AKAP13: variants seen among roughly 807,000 people sequenced by gnomAD.
AKAP13 encodes A-kinase anchor protein 13.
In AKAP13, 80 loss-of-function variants were observed where a neutral mutation model predicts 264.5. The observed-to-expected ratio is 0.30, with a 90% CI of 0.25 to 0.36. AKAP13 has a LOEUF of 0.36. AKAP13 is among the 10% of genes least tolerant of loss of function. AKAP13 has a pLI of 1.00. For missense variants in AKAP13, 3,712 were observed against 3,435.2 expected (o/e 1.08, Z -2.01); for synonymous variants, 1,380 against 1,250.2 (o/e 1.10, Z -2.19).
In AKAP13 at chr15:85,553,120, C is replaced by G. The variant is rs978086553; in HGVS notation, c.662+9165C>G. 3.5e-5 allele frequency among the ~76,000 whole-genome samples: 4 copies of G among 114,192 alleles called. No individual in the cohort carries two copies. In the Admixed American group the frequency reaches 4.0e-4, roughly 11 times the overall value. The allele number at this position is 114,192 out of a possible 152,430, so 74.9% of individuals were successfully genotyped here. On this transcript the variant is annotated intron_variant, in intron 5 of 36. Coordinates refer to ENST00000394518, the MANE Select transcript of AKAP13 (RefSeq NM_007200.5). ...TTTTTTTTGGAGACGGAGTTTCGCT[C>G]TTTTTGCCCAATTTGGAGTGCAATG...
At chr15:85,610,401 T>C (rs2080551999) in intron 8 of AKAP13, among the ~76,000 whole-genome samples, 1 of 152,228 alleles carries the variant, frequency 6.6e-6, no homozygotes, top group Non-Finnish European at 1.5e-5. Context: ...AAGACAGCAG[T>C]ACGTGTATTC....
At chr15:85,648,014 T>C (rs569858607) in intron 10 of AKAP13, among the ~76,000 whole-genome samples, 7 of 134,998 alleles carry the variant, frequency 5.2e-5, no homozygotes, top group African/African-American at 2.1e-4. Flanking sequence ...TCAATAGTTT[T>C]ATGTTATTTT....
rs978477805 is a variant in AKAP13, at chr15:85,745,376, A to G, written c.*699A>G. On this transcript the variant is annotated 3_prime_UTR_variant, in exon 37 of 37. Transcript: ENST00000394518. ...AGGCTTGATGTGTATAAAAGACGTGATGTGCACCACCTCGATCTCGGTGTT... is the reference window on the plus strand; with the variant it reads ...AGGCTTGATGTGTATAAAAGACGTGGTGTGCACCACCTCGATCTCGGTGTT... The G allele has an allele frequency of 6.6e-6, 1 of 152,128 alleles. No individual in the cohort carries two copies. Among genetic ancestry groups the G allele is most frequent in the African/African-American group, 2.4e-5 (1 of 41,406 alleles). The allele number at this position is 152,128 out of a possible 1,614,324, so 9.4% of individuals were successfully genotyped here.
At chr15:85,407,419 T>C (rs2071725284) in intron 1 of AKAP13, among the ~76,000 whole-genome samples, 1 of 151,566 alleles carries the variant, frequency 6.6e-6, no homozygotes, top group South Asian at 2.1e-4. Flanking sequence ...TTTTTATTTT[T>C]AGTAGAGACA....
intron 8 of AKAP13, among the ~76,000 whole-genome samples, chr15:85,604,382 G>C (rs1428748913): frequency 1.3e-5 from 2 of 151,838 alleles, no homozygotes; most frequent in African/African-American, 4.8e-5. Context: ...ACCAAGAGAG[G>C]TGATTCATCT....
chr15:85,550,116 C>T (rs531905996), intron 5 of AKAP13, among the ~76,000 whole-genome samples: 86 of 152,214 alleles, frequency 5.6e-4, no homozygotes, highest in African/African-American at 7.9e-4. Flanking sequence ...GGGGTTTCAC[C>T]GTGTCGGTCA....
chr15:85,439,617 A>T, intron 1 of AKAP13, among the ~76,000 whole-genome samples: 1 of 143,708 alleles, frequency 7.0e-6, no homozygotes, highest in Admixed American at 7.0e-5. Flanking sequence ...TGGCACATAT[A>T]CACCATGGAA....
At chr15:85,670,562 C>G (rs189041386) in intron 14 of AKAP13, 6 of 150,352 alleles carry the variant, frequency 4.0e-5, no homozygotes, top group Admixed American at 2.7e-4. Context: ...TCACTTATTT[C>G]TGGGTCCAAG....
intron 1 of AKAP13, among the ~76,000 whole-genome samples, chr15:85,477,673 G>C (rs758093813): frequency 7.3e-6 from 1 of 137,286 alleles, no homozygotes; most frequent in South Asian, 2.5e-4. Context: ...GAGCTTTGTT[G>C]ATACCACTGC....
At chr15:85,573,288 T>C (rs939598278) in intron 5 of AKAP13, among the ~76,000 whole-genome samples, 2 of 152,104 alleles carry the variant, frequency 1.3e-5, no homozygotes, top group African/African-American at 2.4e-5. Context: ...TTATAATAAC[T>C]GTGATATAGG....
chr15:85,403,593 C>A (rs1419480493), intron 1 of AKAP13, among the ~76,000 whole-genome samples: 1 of 152,100 alleles, frequency 6.6e-6, no homozygotes, highest in Non-Finnish European at 1.5e-5. Flanking sequence ...GTAATCCCAG[C>A]CCTTTGGGAA....
chr15:85,696,233 G>T (rs1054223494), intron 17 of AKAP13, among the ~76,000 whole-genome samples: 2 of 152,074 alleles, frequency 1.3e-5, no homozygotes, highest in Non-Finnish European at 2.9e-5. Context: ...TGATTTTAGT[G>T]GAAACCAGGT....
intron 8 of AKAP13, among the ~76,000 whole-genome samples, chr15:85,615,422 A>T (rs2080893195): frequency 1.9e-5 from 2 of 105,480 alleles, no homozygotes; most frequent in African/African-American, 7.1e-5. Context: ...AGGAAAGCCT[A>T]ATTGGAGACG....
At chr15:85,576,808 T>C (rs1301698587) in intron 6 of AKAP13, among the ~76,000 whole-genome samples, 2 of 152,174 alleles carry the variant, frequency 1.3e-5, no homozygotes, top group African/African-American at 4.8e-5. Context: ...TTAGAGCTCT[T>C]TTTACTAGGT....
At position 85,579,078 on chromosome 15, in the gene AKAP13, A is replaced by G. The variant is rs764339245; in HGVS notation, c.1010A>G (p.Glu337Gly). Residue 337 changes from glutamate to glycine, a missense_variant, in exon 7 of 37, where the codon GAG (glutamate) becomes GGG (glycine). By Grantham distance (98) the Glu-to-Gly change is moderately conservative. This residue lies in a region of AKAP13 where 2,759 missense variants were observed against 2,411.7 expected (regional missense o/e 1.14). Coordinates refer to ENST00000394518, the MANE Select transcript of AKAP13 (RefSeq NM_007200.5). ...PQRLSSSEET[E>G]STQCCPGSPV... ...CGACTTTCTTCTTCTGAAGAGACTG[A>G]GAGCACTCAGTGCTGCCCAGGGAGC... The G allele has an allele frequency of 1.2e-6, 2 of 1,614,194 alleles. No individual in the cohort carries two copies. Among genetic ancestry groups the G allele is most frequent in the South Asian group, 2.2e-5 (2 of 91,086 alleles).
chr15:85,632,678 G>A (rs1262745116), intron 8 of AKAP13, among the ~76,000 whole-genome samples: 3 of 152,112 alleles, frequency 2.0e-5, no homozygotes, highest in Non-Finnish European at 4.4e-5. Flanking sequence ...TGTTCTAGTA[G>A]TATGTGTTTA....
chr15:85,652,827 A>G (rs1275916317), intron 10 of AKAP13, among the ~76,000 whole-genome samples: 5 of 152,098 alleles, frequency 3.3e-5, no homozygotes, highest in African/African-American at 1.2e-4. Flanking sequence ...TTCACGTGGT[A>G]TTCTCTCCTG....
At chr15:85,476,608 G>C (rs1296003349) in intron 1 of AKAP13, among the ~76,000 whole-genome samples, 1 of 152,164 alleles carries the variant, frequency 6.6e-6, no homozygotes, top group Non-Finnish European at 1.5e-5. Flanking sequence ...AAGCTTGGTA[G>C]TTAAGTAACT....
intron 1 of AKAP13, among the ~76,000 whole-genome samples, chr15:85,419,049 CAGAACCATTAATT>C (rs2072386382): frequency 1.3e-5 from 2 of 152,146 alleles, no homozygotes; most frequent in African/African-American, 2.4e-5. Context: ...CCATTATTTC[CAGAACCATTAATT>C]AGAACCATTA....
Sources: allele counts gnomAD v4.1 joint callset (sites outside exome capture counted in the v4.1 genomes callset), GRCh38; gene constraint gnomAD v4.1.1; regional missense constraint gnomAD v4.1.1; transcripts MANE v1.5; gene names NCBI Gene and HGNC (gene_info 2026-07-23, HGNC 2026-07-21).